The following HK3 variants were observed in gnomAD, a reference collection of about 807,000 sequenced individuals.
The protein encoded by HK3 is hexokinase 3.
Under a neutral mutation model 91.0 loss-of-function variants are expected in HK3, and 93 were observed. The observed-to-expected ratio is 1.02, with a 90% CI of 0.86 to 1.21. The LOEUF is 1.21. Among genes scored for constraint, HK3 ranks in the 50% most tolerant of loss-of-function variants. The pLI is 0.00. For missense variants in HK3, 1,235 were observed against 1,247.4 expected, an observed-to-expected ratio of 0.99 and a Z score of 0.15; for synonymous variants, 519 against 516.9, an observed-to-expected ratio of 1.00 and a Z score of -0.06.
intron 8 of HK3, among the ~76,000 whole-genome samples, 163 bp downstream of exon 8, chr5:176,889,218 C>T (rs529482625): frequency 3.3e-5 from 5 of 152,370 alleles, no homozygotes; most frequent in Admixed American, 6.5e-5. Flanking sequence ...ACTTTGGGCC[C>T]TTCCTTCTTT....
In HK3 at chr5:176,881,822, A is replaced by T. The variant is rs766958235; in HGVS notation, c.2263T>A (p.Tyr755Asn). ...QRFEKMISGM[Y>N]LGEIVRHILL... The stretch of plus-strand genomic sequence containing the variant: ...ATGTGGCGGACGATCTCCCCCAGGT[A>T]CATGCCGCTGATCATCTTTTCAAAC... The change falls in exon 17 of 19, where the codon TAC becomes AAC. Residue 755 changes from tyrosine to asparagine, a missense_variant. Transcript: ENST00000292432. The T allele has an allele frequency of 2.3e-4, 368 of 1,613,910 alleles. 1 individual carries two copies. Among genetic ancestry groups the T allele is most frequent in the Non-Finnish European group, 3.0e-4 (349 of 1,180,014 alleles).
intron 2 of HK3, 113 bp downstream of exon 2, chr5:176,895,951 C>T: frequency 2.4e-6 from 2 of 837,792 alleles, no homozygotes; most frequent in Admixed American, 1.9e-5. Flanking sequence ...ATATGAAAAG[C>T]TCAGTGGAAA....
At chr5:176,895,495 G>A (rs2149378508) in intron 2 of HK3, among the ~76,000 whole-genome samples, 1 of 152,336 alleles carries the variant, frequency 6.6e-6, no homozygotes, top group South Asian at 2.1e-4. Flanking sequence ...TTACACAAGA[G>A]TTTCCTGCTC....
At chr5:176,881,586 C>T in intron 17 of HK3, 51 bp from the exon 18 acceptor site, 1 of 1,585,216 alleles carries the variant, frequency 6.3e-7, no homozygotes, top group Non-Finnish European at 8.6e-7. Flanking sequence ...TGACTTCTCC[C>T]ACTTCATCCT....
At position 176,890,831 on chromosome 5, in the gene HK3, G is replaced by A. The variant is rs376217843; in HGVS notation, c.525C>T (p.Gly175=). The part of the protein sequence containing the change: ...FSFSFPCHQT[G]LDRSTLISWT... ...GTCCACTCCACCTCACCCTGTCCAA[G>A]CCCGTCTGGTGACAAGGGAAAGAGA... The change falls in exon 5 of 19, where the codon GGC becomes GGT. Residue 175 remains glycine (G), a synonymous_variant. Transcript: ENST00000292432. 3.7e-6 allele frequency: 6 copies of A among 1,614,074 alleles called. No homozygotes were observed. In the African/African-American group the frequency reaches 8.0e-5, roughly 22 times the overall value.
chr5:176,881,530 C>A lies in HK3; in HGVS notation c.2399G>T (p.Ser800Ile). The change falls in exon 18 of 19, where the codon AGC becomes ATC. Residue 800 changes from serine to isoleucine, a missense_variant. Physicochemically the swap from Ser to Ile is moderately radical, Grantham distance 142. This residue lies in a region of HK3 where 513 missense variants were observed against 477.4 expected (regional missense o/e 1.07). Coordinates refer to ENST00000292432, the MANE Select transcript of HK3 (RefSeq NM_002115.3). ...GGCTCGGACCTGCCGCAGGGCCAGGCTGTCACTGGGGGCCAGGAAGGAAGA... is the reference window on the plus strand; with the variant it reads ...GGCTCGGACCTGCCGCAGGGCCAGGATGTCACTGGGGGCCAGGAAGGAAGA... ...TKFLSEIESD[S>I]LALRQVRAIL... 1.2e-6 allele frequency: 2 copies of A among 1,602,092 alleles called. No homozygotes were observed. The highest frequency in any genetic ancestry group is 1.1e-5 in the South Asian group (1 of 90,808).
At position 176,884,773 on chromosome 5, in the gene HK3, C is replaced by T. The variant is rs77948180; in HGVS notation, c.1858-639G>A. On this transcript the variant is annotated intron_variant, in intron 13 of 18. Transcript: ENST00000292432. The surrounding 1 kb of genome is among the most constrained non-coding windows in gnomAD (Gnocchi z 4.1). ...AAAGGAATGCTGTTTTCTTAGTGTG[C>T]GTCCTCTGAGGGAGGGGGCAGGGGG... 7.9e-3 allele frequency among the ~76,000 whole-genome samples: 1,210 copies of T among 152,216 alleles called. 13 individuals carry two copies. The highest frequency in any genetic ancestry group is 0.012 in the Non-Finnish European group (836 of 68,010).
chr5:176,884,669 T>TG lies in HK3; in HGVS notation c.1858-536dup, dbSNP rs1475514974. Among the ~76,000 whole-genome samples the TG allele has an allele frequency of 1.3e-5, 2 of 152,238 alleles. No individual in the cohort carries two copies. Among genetic ancestry groups the TG allele is most frequent in the Non-Finnish European group, 2.9e-5 (2 of 68,042 alleles). On this transcript the variant is annotated intron_variant, in intron 13 of 18. Transcript: ENST00000292432. The surrounding 1 kb of genome is among the most constrained non-coding windows in gnomAD (Gnocchi z 4.1). ...ATGGAAAAGCCAGAACCCAGGCCCC[T>TG]GGGCAGGATGAAGGCTGAGTGCCCA... is the stretch of plus-strand genomic sequence containing the variant.
intron 3 of HK3, 66 bp downstream of exon 3, chr5:176,891,322 G>A (rs754877395): frequency 3.1e-5 from 49 of 1,605,858 alleles, no homozygotes; most frequent in East Asian, 2.2e-4. Context: ...AATAAGGAAC[G>A]TTTCCCTCCC....
intron 2 of HK3, among the ~76,000 whole-genome samples, chr5:176,892,044 G>C (rs1401384504): frequency 1.3e-5 from 2 of 152,178 alleles, no homozygotes; most frequent in Non-Finnish European, 2.9e-5. Context: ...CACTGCAGAG[G>C]ATGGTCCTTT....
At chr5:176,890,585 A>G in intron 6 of HK3, 50 bp downstream of exon 6, 2 of 1,514,570 alleles carry the variant, frequency 1.3e-6, no homozygotes, top group African/African-American at 2.7e-5. Flanking sequence ...CATGTGTGCC[A>G]GGCCCAGGCC....
At position 176,887,651 on chromosome 5, in the gene HK3, G is replaced by T. The variant is rs367626464; in HGVS notation, c.1400C>A (p.Ala467Glu). ...PSVDGGGRGV[A>E]MVTAVAARLA... ...ACGGGCAGCCACGGCAGTCACCATCGCCACTCCCCGGCCACCACCATCCAC... is the reference window on the plus strand; with the variant it reads ...ACGGGCAGCCACGGCAGTCACCATCTCCACTCCCCGGCCACCACCATCCAC... Residue 467 changes from alanine (A) to glutamate (E), a missense_variant, in exon 11 of 19, where the codon GCG (alanine) becomes GAG (glutamate). Coordinates refer to ENST00000292432, the MANE Select transcript of HK3 (RefSeq NM_002115.3). The surrounding 1 kb of genome is among the most constrained non-coding windows in gnomAD (Gnocchi z 4.9). 21 of 1,613,596 alleles carry T rather than the reference G, an allele frequency of 1.3e-5. No individual in the cohort carries two copies. The African/African-American group carries it at 2.7e-4, about 21-fold the overall frequency.
rs1178735360 is a variant in HK3, at chr5:176,896,163, C to T, written c.-4G>A. 1.3e-6 allele frequency: 2 copies of T among 1,596,158 alleles called. No individual in the cohort carries two copies. Among genetic ancestry groups the T allele is most frequent in the Admixed American group, 3.6e-5 (2 of 56,328 alleles). ...CTGAAGACCCAATGGAGTCCATGAGCTTCCACAGTGGAAGGTGGCCACCTA... is the reference window on the plus strand; with the variant it reads ...CTGAAGACCCAATGGAGTCCATGAGTTTCCACAGTGGAAGGTGGCCACCTA... On this transcript the variant is annotated 5_prime_UTR_variant, in exon 2 of 19. Transcript: ENST00000292432.
At chr5:176,892,761 A>C (rs1758812001) in intron 2 of HK3, among the ~76,000 whole-genome samples, 5 of 152,206 alleles carry the variant, frequency 3.3e-5, no homozygotes, top group Admixed American at 3.3e-4. Flanking sequence ...AGGCCGCTCC[A>C]GGGAGGAGAG....
At chr5:176,896,257 A>C (rs989284912) in intron 1 of HK3, 72 bp from the exon 2 acceptor site, 1 of 714,956 alleles carries the variant, frequency 1.4e-6, no homozygotes, top group Non-Finnish European at 2.2e-6. Flanking sequence ...ACCCAGACCA[A>C]CTTCCTTCCT....
In HK3 at chr5:176,882,099, C is replaced by T. The variant is rs777448573; in HGVS notation, c.2082G>A (p.Glu694=). ...VGTGTNACYM[E]ELRNVAGVPG... is the part of the protein sequence containing the mutation. ...GCACGCCCGCCACATTCCGGAGCTCCTCCATGTAGCAGGCATTGGTGCCGG... is the reference window on the plus strand; with the variant it reads ...GCACGCCCGCCACATTCCGGAGCTCTTCCATGTAGCAGGCATTGGTGCCGG... The change falls in exon 16 of 19, where the codon GAG becomes GAA. Residue 694 remains glutamate (E), a synonymous_variant. Transcript: ENST00000292432. The T allele has an allele frequency of 1.9e-6, 3 of 1,613,134 alleles. No homozygotes were observed. Among genetic ancestry groups the T allele is most frequent in the Middle Eastern group, 1.6e-4 (1 of 6,062 alleles).
chr5:176,888,954 T>G, intron 8 of HK3, 90 bp from the exon 9 acceptor site: 1 of 1,441,942 alleles, frequency 6.9e-7, no homozygotes. Context: ...GAAGGATTCT[T>G]TTCTTTGGGG....
rs768626108 is a variant in HK3, at chr5:176,891,046, AG to A, written c.404del (p.Ala135ValfsTer22). The A allele has an allele frequency of 6.2e-7, 1 of 1,613,984 alleles. No individual in the cohort carries two copies. Among genetic ancestry groups the A allele is most frequent in the Non-Finnish European group, 8.5e-7 (1 of 1,180,000 alleles). ...FVIPQEVMLG[A>X]GQQLFDFAAH... ...GGCAGTGAGTGCTTACCTGCTGGCC[AG>A]CACCCAGCATCACCTCTTGGGGGAT... is the stretch of plus-strand genomic sequence containing the variant. On this transcript the variant is annotated frameshift_variant, in exon 4 of 19. Coordinates refer to ENST00000292432, the MANE Select transcript of HK3 (RefSeq NM_002115.3). LOFTEE classifies it high-confidence loss of function.
rs191826754 is a variant in HK3, at chr5:176,895,238, C to T, written c.96+826G>A. On this transcript the variant is annotated intron_variant, in intron 2 of 18. Transcript: ENST00000292432. ...GGATTACAGGCATGTGCCACCATGC[C>T]GGCTAATTTTGTATTTTTAGTAGAG... 1.8e-3 allele frequency among the ~76,000 whole-genome samples: 274 copies of T among 152,022 alleles called. 1 individual carries two copies. Among genetic ancestry groups the T allele is most frequent in the African/African-American group, 6.3e-3 (259 of 41,424 alleles).
Sources: gnomAD v4.1 joint callset for allele counts (sites outside exome capture counted in the v4.1 genomes callset) on GRCh38, gnomAD v4.1.1 for gene constraint, gnomAD v4.1.1 regional missense constraint, Gnocchi (gnomAD v3.1) non-coding constraint, MANE v1.5 for transcripts, NCBI Gene and HGNC (gene_info 2026-07-23, HGNC 2026-07-21) for gene names.